The following ZNF90 variants were observed in gnomAD, a reference collection of about 807,000 sequenced individuals.
ZNF90 encodes zinc finger protein 90.
A neutral mutation model predicts 12.0 loss-of-function variants in ZNF90; 11 were observed. That is an observed-to-expected ratio of 0.92 (90% CI 0.58 to 1.52). ZNF90 has a LOEUF of 1.52. Among genes scored for constraint, ZNF90 ranks in the 40% most tolerant of loss-of-function variants. ZNF90 has a pLI of 0.00. For missense variants in ZNF90, 765 were observed against 711.5 expected (o/e 1.08, Z -0.86); for synonymous variants, 232 against 240.1 (o/e 0.97, Z 0.31).
rs1437317851 is a variant in ZNF90, at chr19:20,121,088, T to C, written c.*1728T>C. 4.0e-5 allele frequency: 7 copies of C among 175,746 alleles called. No individual in the cohort carries two copies. The highest frequency in any genetic ancestry group is 3.6e-4 in the Admixed American group (6 of 16,508). The allele number at this position is 175,746 out of a possible 1,614,324, so 10.9% of individuals were successfully genotyped here. The stretch of plus-strand genomic sequence containing the variant: ...TTCTACATTATAGTGAGAGAAATTA[T>C]GAATTACAGTTAAAGGTATATTAAA... On this transcript the variant is annotated 3_prime_UTR_variant, in exon 4 of 4. Coordinates refer to ENST00000418063, the MANE Select transcript of ZNF90 (RefSeq NM_007138.2).
intron 1 of ZNF90, among the ~76,000 whole-genome samples, chr19:20,088,819 T>C (rs1403828539): frequency 6.6e-6 from 1 of 152,210 alleles, no homozygotes; most frequent in African/African-American, 2.4e-5. Context: ...AAATGCCTGC[T>C]ATTCCAGTAC....
Position 20,105,329 on chromosome 19 carries a change from G to A in ZNF90, c.226+13G>A, listed in dbSNP as rs1208698905. The stretch of plus-strand genomic sequence containing the variant: ...GCCAAATCCCCAGGTAGGTGCGAGT[G>A]AAAATGAATACAACAGACAACACAG... On this transcript the variant is annotated intron_variant, in intron 3 of 3. Coordinates refer to ENST00000418063, the MANE Select transcript of ZNF90 (RefSeq NM_007138.2). 1 of 1,595,696 alleles carries A rather than the reference G, an allele frequency of 6.3e-7. No homozygotes were observed. Among genetic ancestry groups the A allele is most frequent in the Non-Finnish European group, 8.5e-7 (1 of 1,169,840 alleles).
At chr19:20,079,332 T>C (rs10405913) in intron 1 of ZNF90, among the ~76,000 whole-genome samples, 14,462 of 141,452 alleles carry the variant, frequency 0.1, 1,245 homozygotes, top group East Asian at 0.26. Context: ...TGAGATGGAG[T>C]TTGTCCAGGC....
intron 1 of ZNF90, among the ~76,000 whole-genome samples, chr19:20,100,906 G>A (rs781877835): frequency 1.8e-4 from 27 of 152,182 alleles, no homozygotes; most frequent in Non-Finnish European, 1.0e-4. Flanking sequence ...TGAGAGCAGA[G>A]GGGGAGGGAC....
chr19:20,079,981 G>C (rs1266333470), intron 1 of ZNF90: 2 of 339,894 alleles, frequency 5.9e-6, no homozygotes, highest in South Asian at 2.5e-5. Context: ...TATTGCCCAG[G>C]CTGGAGTGCA....
At chr19:20,110,287 TA>T (rs1223807874) in intron 3 of ZNF90, among the ~76,000 whole-genome samples, 1 of 151,910 alleles carries the variant, frequency 6.6e-6, no homozygotes, top group East Asian at 1.9e-4. Flanking sequence ...TGCTTTGTTT[TA>T]TTTTTTTTGA....
chr19:20,105,107 C>A (rs2122507818), intron 2 of ZNF90, 114 bp from the exon 3 acceptor site: 2 of 604,392 alleles, frequency 3.3e-6, no homozygotes, highest in Non-Finnish European at 5.0e-6. Flanking sequence ...TTTTTTATAA[C>A]TCTATTTTGG....
chr19:20,099,774 A>C (rs1295023534), intron 1 of ZNF90, among the ~76,000 whole-genome samples: 1 of 152,234 alleles, frequency 6.6e-6, no homozygotes, highest in African/African-American at 2.4e-5. Flanking sequence ...GTACACTAGA[A>C]TTAGGAGAAG....
At chr19:20,096,012 C>T (rs924875514) in intron 1 of ZNF90, among the ~76,000 whole-genome samples, 6 of 152,152 alleles carry the variant, frequency 3.9e-5, no homozygotes, top group African/African-American at 7.2e-5. Context: ...AGTCCGTGAC[C>T]GGTGCCGGAG....
intron 3 of ZNF90, among the ~76,000 whole-genome samples, chr19:20,106,590 A>G (rs2089040851): frequency 6.6e-6 from 1 of 152,138 alleles, no homozygotes; most frequent in Non-Finnish European, 1.5e-5. Context: ...AGTAGCTGGG[A>G]CTACAGGCAC....
chr19:20,092,908 G>T (rs547648833), intron 1 of ZNF90, among the ~76,000 whole-genome samples: 1 of 152,134 alleles, frequency 6.6e-6, no homozygotes, highest in Non-Finnish European at 1.5e-5. Flanking sequence ...ATTGAATAAG[G>T]TGAGAAGCGG....
intron 3 of ZNF90, among the ~76,000 whole-genome samples, chr19:20,109,866 G>T (rs1157366365): frequency 2.0e-5 from 3 of 151,972 alleles, no homozygotes; most frequent in African/African-American, 7.3e-5. Flanking sequence ...TTTATTTCAG[G>T]CATGTTGTTA....
chr19:20,095,116 G>A (rs2088932858), intron 1 of ZNF90, among the ~76,000 whole-genome samples: 2 of 152,016 alleles, frequency 1.3e-5, no homozygotes, highest in African/African-American at 4.8e-5. Flanking sequence ...AAGACTCAGC[G>A]ATGCTTGGGG....
Position 20,119,539 on chromosome 19 carries a change from AACCCTTACT to A in ZNF90, c.*182_*190del, listed in dbSNP as rs1555706355. On this transcript the variant is annotated 3_prime_UTR_variant, in exon 4 of 4. Coordinates refer to ENST00000418063, the MANE Select transcript of ZNF90 (RefSeq NM_007138.2). ...GACAAATCATTTTAAGGAAGTTCTC[AACCCTTACT>A]ACACATAATTCATACTGGACGGAAA... 45 of 621,804 alleles carry A rather than the reference AACCCTTACT, an allele frequency of 7.2e-5. No individual in the cohort carries two copies. Among genetic ancestry groups the A allele is most frequent in the Non-Finnish European group, 8.2e-6 (3 of 366,106 alleles). 38.5% of individuals were successfully genotyped at this position (621,804 alleles called of 1,614,324 possible).
chr19:20,100,222 A>G (rs1460281258), intron 1 of ZNF90, among the ~76,000 whole-genome samples: 1 of 152,174 alleles, frequency 6.6e-6, no homozygotes, highest in Non-Finnish European at 1.5e-5. Flanking sequence ...GCCTGCAGCT[A>G]ACCAATGGAA....
intron 1 of ZNF90, among the ~76,000 whole-genome samples, chr19:20,094,497 C>T (rs1017221307): frequency 3.9e-5 from 6 of 152,190 alleles, no homozygotes; most frequent in Non-Finnish European, 8.8e-5. Context: ...TCATAATTAA[C>T]AGCTTTGTAA....
chr19:20,104,153 C>T (rs929420355), intron 1 of ZNF90, 86 bp from the exon 2 acceptor site: 2 of 1,577,930 alleles, frequency 1.3e-6, no homozygotes, highest in South Asian at 1.2e-5. Flanking sequence ...ATTCTCTTTA[C>T]TCTCCAATTT....
intron 3 of ZNF90, among the ~76,000 whole-genome samples, chr19:20,109,599 G>A (rs903045319): frequency 6.6e-6 from 1 of 152,020 alleles, no homozygotes; most frequent in African/African-American, 2.4e-5. Context: ...GGTCAGGCAT[G>A]GTTGTGGCTC....
chr19:20,099,446 C>G (rs558827076), intron 1 of ZNF90, among the ~76,000 whole-genome samples: 1 of 152,186 alleles, frequency 6.6e-6, no homozygotes, highest in African/African-American at 2.4e-5. Context: ...ATGGGAGGAA[C>G]GGTCTATCAT....
Sources: allele counts gnomAD v4.1 joint callset (sites outside exome capture counted in the v4.1 genomes callset), GRCh38; gene constraint gnomAD v4.1.1; transcripts MANE v1.5; gene names NCBI Gene and HGNC (gene_info 2026-07-23, HGNC 2026-07-21).